The following SPTBN1 variants were observed in gnomAD, a reference collection of about 807,000 sequenced individuals.
SPTBN1 encodes the protein spectrin beta, non-erythrocytic 1, also known as spectrin beta chain, non-erythrocytic 1.
SPTBN1 carries 32 observed loss-of-function variants against 266.4 expected under a neutral mutation model. The ratio of observed to expected loss-of-function variants is 0.12; its 90% CI spans 0.09 to 0.16. SPTBN1 has a LOEUF of 0.16. Ranked by LOEUF, SPTBN1 falls within the 10% of genes least tolerant of loss-of-function variation. The probability of loss-of-function intolerance (pLI) is 1.00; values close to 1 mark genes in which losing one functional copy is unlikely to be tolerated. For synonymous variants in SPTBN1, 1,336 were observed against 1,162.2 expected (o/e 1.15, Z -3.04); for missense variants, 2,296 against 3,067.1 (o/e 0.75, Z 5.94).
chr2:54,520,201 G>T (rs1221764549), intron 1 of SPTBN1: 3 of 152,206 alleles, frequency 2.0e-5, no homozygotes, highest in African/African-American at 7.2e-5. Flanking sequence ...GATAACCTGT[G>T]CGACTTAGAT....
At position 54,628,901 on chromosome 2, in the gene SPTBN1, C is replaced by G; in HGVS notation, c.1799-32C>G. The G allele has an allele frequency of 6.5e-7, 1 of 1,546,720 alleles. No homozygotes were observed. Reference sequence around the variant, plus strand: ...CCTGCACCCATGCTGAGCTCCCTCACACAGCCACGTTCCTTCCTTGATGTT... The same window carrying G: ...CCTGCACCCATGCTGAGCTCCCTCAGACAGCCACGTTCCTTCCTTGATGTT... On this transcript the variant is annotated intron_variant, in intron 13 of 35. Transcript: ENST00000356805. This position sits in a 1 kb window ranked among gnomAD's most constrained non-coding sequence, Gnocchi z 4.3.
intron 2 of SPTBN1, chr2:54,527,294 C>G (rs1020744725): frequency 1.3e-5 from 2 of 152,184 alleles, no homozygotes; most frequent in Admixed American, 1.3e-4. Context: ...TTTGAGATTT[C>G]AAATGAAATT....
chr2:54,563,277 ATCTAG>A (rs1443457665), intron 2 of SPTBN1, among the ~76,000 whole-genome samples: 2 of 152,144 alleles, frequency 1.3e-5, no homozygotes, highest in Non-Finnish European at 2.9e-5. Context: ...TGTAGACAGG[ATCTAG>A]TTAAAAAGCA....
At chr2:54,579,355 A>T (rs939196540) in intron 2 of SPTBN1, among the ~76,000 whole-genome samples, 3 of 152,142 alleles carry the variant, frequency 2.0e-5, no homozygotes, top group African/African-American at 7.2e-5. Flanking sequence ...TTTGGGACTG[A>T]TTCTCTGCTC....
chr2:54,497,422 A>C (rs1669026550), intron 1 of SPTBN1, among the ~76,000 whole-genome samples: 1 of 152,008 alleles, frequency 6.6e-6, no homozygotes, highest in African/African-American at 2.4e-5. Flanking sequence ...TCTTCCTTTG[A>C]GACTCACTCT....
At chr2:54,578,586 G>A (rs762079813) in intron 2 of SPTBN1, among the ~76,000 whole-genome samples, 14 of 152,114 alleles carry the variant, frequency 9.2e-5, no homozygotes, top group African/African-American at 3.1e-4. Flanking sequence ...TCATCCTTAC[G>A]TGTTCAGCCT....
At chr2:54,640,706 C>T (rs562762993) in intron 18 of SPTBN1, among the ~76,000 whole-genome samples, 1 of 152,200 alleles carries the variant, frequency 6.6e-6, no homozygotes, top group African/African-American at 2.4e-5. Context: ...CATGCGCCAC[C>T]ACACCCAGCT....
rs755450723 is a variant in SPTBN1 at position 54,552,389 on chromosome 2, G to A, written c.148+25823G>A. ...TCTGTGAGGTTGGTCCCATTATTAT[G>A]CCAACTTTTTAGGCACAGAGAACCA... On this transcript the variant is annotated intron_variant, in intron 2 of 35. Transcript: ENST00000356805. Among the ~76,000 whole-genome samples the A allele has an allele frequency of 2.6e-5, 4 of 151,838 alleles. No individual in the cohort carries two copies. In the East Asian group the frequency reaches 5.8e-4, roughly 22 times the overall value.
rs1391792903 is a variant in SPTBN1 at position 54,649,151 on chromosome 2, A to G, written c.5163A>G (p.Ala1721=). Residue 1721 remains alanine, a synonymous_variant, in exon 25 of 36, where the codon GCA becomes GCG. Coordinates refer to ENST00000356805, the MANE Select transcript of SPTBN1 (RefSeq NM_003128.3). This position sits in a 1 kb window ranked among gnomAD's most constrained non-coding sequence, Gnocchi z 6.7. The part of the protein sequence containing the change: ...EQWIAEREVV[A]GSHELGQDYE... ...GGATCGCTGAGAGGGAGGTGGTCGCAGGGTCCCATGAACTGGGACAGGACT... is the reference window on the plus strand; with the variant it reads ...GGATCGCTGAGAGGGAGGTGGTCGCGGGGTCCCATGAACTGGGACAGGACT... 1.9e-6 allele frequency: 3 copies of G among 1,611,466 alleles called. No homozygotes were observed. In the African/African-American group the frequency reaches 4.0e-5, roughly 22 times the overall value.
chr2:54,566,337 AC>A (rs1186775346), intron 2 of SPTBN1, among the ~76,000 whole-genome samples: 1 of 151,548 alleles, frequency 6.6e-6, no homozygotes, highest in African/African-American at 2.4e-5. Context: ...ATAGGCGCCC[AC>A]CACCACGCCC....
rs1462690766 is a variant in SPTBN1, at chr2:54,628,021, G to C, written c.1645-76G>C. ...GGCATAGCTTCATTGCTGGCTCTCT[G>C]CTTGTCGAAAGATGATGTGATGCTG... On this transcript the variant is annotated intron_variant, in intron 12 of 35. Transcript: ENST00000356805. The surrounding 1 kb of genome is among the most constrained non-coding windows in gnomAD (Gnocchi z 4.3). The C allele has an allele frequency of 6.6e-7, 1 of 1,512,240 alleles. No individual in the cohort carries two copies. Among genetic ancestry groups the C allele is most frequent in the Non-Finnish European group, 8.9e-7 (1 of 1,122,928 alleles). 93.7% of individuals were successfully genotyped at this position (1,512,240 alleles called of 1,614,324 possible).
At chr2:54,557,828 T>C in intron 2 of SPTBN1, 1 of 985,358 alleles carries the variant, frequency 1.0e-6, no homozygotes, top group Non-Finnish European at 1.2e-6. Context: ...AGCCCGAACT[T>C]ACACCTCCCC....
At chr2:54,493,001 CTTT>C (rs70944171) in intron 1 of SPTBN1, among the ~76,000 whole-genome samples, 1,745 of 112,878 alleles carry the variant, frequency 0.015, 9 homozygotes, top group Non-Finnish European at 0.024. Flanking sequence ...AATAACATAT[CTTT>C]TTTTTTTTTT....
At chr2:54,624,015 C>G (rs189168305) in intron 10 of SPTBN1, among the ~76,000 whole-genome samples, 1 of 152,220 alleles carries the variant, frequency 6.6e-6, no homozygotes, top group Non-Finnish European at 1.5e-5. Flanking sequence ...CAATTTTAAT[C>G]ATCATGCCTA....
intron 1 of SPTBN1, among the ~76,000 whole-genome samples, chr2:54,501,671 A>G (rs1669276114): frequency 6.6e-6 from 1 of 152,090 alleles, no homozygotes; most frequent in African/African-American, 2.4e-5. Context: ...TTACTTGCTC[A>G]CCTTTCTGCT....
chr2:54,627,417 C>A (rs981874290), intron 12 of SPTBN1, among the ~76,000 whole-genome samples: 2 of 152,156 alleles, frequency 1.3e-5, no homozygotes, highest in African/African-American at 4.8e-5. Context: ...ATGGAAGAAA[C>A]AAGAAAATAT....
intron 3 of SPTBN1, among the ~76,000 whole-genome samples, chr2:54,606,956 G>A (rs1004273786): frequency 3.9e-5 from 6 of 152,148 alleles, no homozygotes; most frequent in Admixed American, 6.5e-5. Flanking sequence ...TTCCTACCTC[G>A]TTAGATTGCT....
intron 2 of SPTBN1, among the ~76,000 whole-genome samples, chr2:54,563,593 CTTTTTTTTTT>C (rs750173696): frequency 1.1e-4 from 7 of 64,454 alleles, no homozygotes; most frequent in South Asian, 7.6e-4. Flanking sequence ...AAAATTTATT[CTTTTTTTTTT>C]TTTTTTTTTT....
At chr2:54,638,606 G>A (rs1015003594) in intron 18 of SPTBN1, among the ~76,000 whole-genome samples, 2 of 152,210 alleles carry the variant, frequency 1.3e-5, no homozygotes, top group Non-Finnish European at 2.9e-5. Context: ...TTCTCTGCAC[G>A]CTAGTTGGAG....
Sources: gnomAD v4.1 joint callset for allele counts (sites outside exome capture counted in the v4.1 genomes callset) on GRCh38, gnomAD v4.1.1 for gene constraint, Gnocchi (gnomAD v3.1) non-coding constraint, MANE v1.5 for transcripts, NCBI Gene and HGNC (gene_info 2026-07-23, HGNC 2026-07-21) for gene names.